NT5DC3: variants seen among roughly 807,000 people sequenced by gnomAD.
NT5DC3 encodes 5'-nucleotidase domain-containing protein 3.
Under a neutral mutation model 67.8 loss-of-function variants are expected in NT5DC3, and 42 were observed. The ratio of observed to expected loss-of-function variants is 0.62; its 90% CI spans 0.48 to 0.80. The LOEUF (loss-of-function observed/expected upper bound fraction) is 0.80. NT5DC3 is among the 30% of genes least tolerant of loss of function. The pLI is 0.00. For missense variants in NT5DC3, 570 were observed against 696.4 expected (o/e 0.82, Z 2.04); for synonymous variants, 237 against 255.6 (o/e 0.93, Z 0.69).
intron 6 of NT5DC3, among the ~76,000 whole-genome samples, chr12:103,795,040 G>C (rs545860044): frequency 6.6e-6 from 1 of 152,332 alleles, no homozygotes; most frequent in Admixed American, 6.5e-5. Flanking sequence ...CTGTTGCTGG[G>C]AGATTTCTGT....
intron 1 of NT5DC3, among the ~76,000 whole-genome samples, chr12:103,840,388 C>CTCA (rs1888340241): frequency 1.5e-5 from 2 of 130,142 alleles, no homozygotes; most frequent in African/African-American, 7.1e-5. Context: ...CTCATCTCAT[C>CTCA]TCATCTCATC....
At chr12:103,752,454 A>G in the NT5DC3 span, among the ~76,000 whole-genome samples, 7 of 152,248 alleles carry the variant, frequency 4.6e-5, no homozygotes, top group Non-Finnish European at 1.0e-4. Flanking sequence ...GAACTTGACA[A>G]TATAAAAATG....
chr12:103,834,484 G>A lies in NT5DC3; in HGVS notation c.208+6465C>T, dbSNP rs914111905. Among the ~76,000 whole-genome samples the A allele has an allele frequency of 4.6e-5, 7 of 152,310 alleles. No homozygotes were observed. The East Asian group carries it at 9.6e-4, about 21-fold the overall frequency. Reference sequence around the variant, plus strand: ...CGAACAGACACGACAACTAAATGTAGTGTGCTATCCTGGATGGCAGGCTGG... The same window carrying A: ...CGAACAGACACGACAACTAAATGTAATGTGCTATCCTGGATGGCAGGCTGG... On this transcript the variant is annotated intron_variant, in intron 1 of 13. Transcript: ENST00000392876.
chr12:103,748,941 CCTCT>C, the NT5DC3 span: 11 of 1,603,262 alleles, frequency 6.9e-6, no homozygotes, highest in Non-Finnish European at 9.4e-6. Flanking sequence ...TAAGTTGAGC[CCTCT>C]CTCCTCTGCT....
intron 12 of NT5DC3, among the ~76,000 whole-genome samples, chr12:103,781,590 A>C (rs1376734290): frequency 6.6e-6 from 1 of 152,070 alleles, no homozygotes; most frequent in Non-Finnish European, 1.5e-5. Context: ...CAGCCATTAA[A>C]CATGCTCAAG....
At chr12:103,806,999 C>G (rs1886828468) in intron 2 of NT5DC3, 70 bp from the exon 3 acceptor site, 3 of 916,716 alleles carry the variant, frequency 3.3e-6, no homozygotes, top group Non-Finnish European at 3.6e-6. Flanking sequence ...CAGATCTGGC[C>G]CTTGTACAAA....
At chr12:103,792,107 C>T (rs1003306483) in intron 9 of NT5DC3, among the ~76,000 whole-genome samples, 8 of 152,294 alleles carry the variant, frequency 5.3e-5, no homozygotes, top group East Asian at 1.9e-4. Flanking sequence ...GGACGGTTTG[C>T]GGCTCTCCCA....
the NT5DC3 span, among the ~76,000 whole-genome samples, chr12:103,747,306 A>G: frequency 6.6e-6 from 1 of 152,198 alleles, no homozygotes; most frequent in Admixed American, 6.5e-5. Context: ...AGAGGCCCAA[A>G]TGAACAGTGG....
At chr12:103,798,362 G>A (rs1042629807) in intron 5 of NT5DC3, among the ~76,000 whole-genome samples, 6 of 152,190 alleles carry the variant, frequency 3.9e-5, no homozygotes, top group Non-Finnish European at 7.3e-5. Flanking sequence ...GGCAAATGGG[G>A]TAGGTATGTG....
At chr12:103,757,670 A>T in the NT5DC3 span, among the ~76,000 whole-genome samples, 372 of 152,348 alleles carry the variant, frequency 2.4e-3, no homozygotes, top group African/African-American at 8.5e-3. Flanking sequence ...TCCAGGCAGA[A>T]GGAACAGTCC....
chr12:103,762,213 G>A, the NT5DC3 span: 1 of 1,597,844 alleles, frequency 6.3e-7, no homozygotes, highest in East Asian at 2.2e-5. Context: ...GCCACCAAGG[G>A]TTCCCCTTTT....
At chr12:103,749,872 A>AT in the NT5DC3 span, among the ~76,000 whole-genome samples, 1 of 131,480 alleles carries the variant, frequency 7.6e-6, no homozygotes, top group Non-Finnish European at 1.6e-5. Context: ...AAAAAAAAAA[A>AT]GCTGGTAAGA....
chr12:103,806,438 G>T, intron 3 of NT5DC3, 61 bp from the exon 4 acceptor site: 2 of 1,194,422 alleles, frequency 1.7e-6, no homozygotes, highest in Non-Finnish European at 2.5e-6. Flanking sequence ...TATTACATGA[G>T]CCATCCAGGT....
At chr12:103,800,876 C>A (rs775169301) in intron 4 of NT5DC3, among the ~76,000 whole-genome samples, 5 of 152,152 alleles carry the variant, frequency 3.3e-5, no homozygotes, top group Admixed American at 6.5e-5. Flanking sequence ...TCAAAGTCTT[C>A]ATTCTTAAAG....
At chr12:103,814,851 T>C (rs1887179311) in intron 2 of NT5DC3, 86 bp downstream of exon 2, 1 of 911,258 alleles carries the variant, frequency 1.1e-6, no homozygotes, top group Non-Finnish European at 1.6e-6. Context: ...ATGACTTCTC[T>C]GTGGCAGACT....
chr12:103,752,849 A>G, the NT5DC3 span, among the ~76,000 whole-genome samples: 1 of 152,236 alleles, frequency 6.6e-6, no homozygotes, highest in Non-Finnish European at 1.5e-5. Context: ...AGGAAAGAAG[A>G]TTGAAAGAAT....
chr12:103,759,892 CA>C, the NT5DC3 span, among the ~76,000 whole-genome samples: 1 of 152,086 alleles, frequency 6.6e-6, no homozygotes, highest in African/African-American at 2.4e-5. Flanking sequence ...AATAGAGACC[CA>C]AAGAACAGTT....
intron 10 of NT5DC3, 67 bp downstream of exon 10, chr12:103,788,771 T>C: frequency 1.0e-6 from 1 of 987,454 alleles, no homozygotes; most frequent in Non-Finnish European, 1.6e-6. Context: ...ACAATGAACA[T>C]CAGCTATTAG....
the NT5DC3 span, chr12:103,749,196 G>A: frequency 2.2e-3 from 3,356 of 1,553,846 alleles, 126 homozygotes; most frequent in East Asian, 0.065. Context: ...GAGCAGCGCC[G>A]TGGGCTTCGC....
Sources: gnomAD v4.1 joint callset for allele counts (sites outside exome capture counted in the v4.1 genomes callset) on GRCh38, gnomAD v4.1.1 for gene constraint, MANE v1.5 for transcripts, NCBI Gene and HGNC (gene_info 2026-07-23, HGNC 2026-07-21) for gene names.